Variants in EIF4G3 observed in about 807,000 individuals in gnomAD.
The protein encoded by EIF4G3 is eukaryotic translation initiation factor 4 gamma 3.
EIF4G3 carries 34 observed loss-of-function variants against 186.4 expected under a neutral mutation model. That is an observed-to-expected ratio of 0.18 (90% CI 0.14 to 0.24). The LOEUF is 0.24. Among genes scored for constraint, EIF4G3 ranks in the 10% least tolerant of loss-of-function variants. EIF4G3 has a pLI of 1.00. For synonymous variants in EIF4G3, 673 were observed against 679.5 expected, an observed-to-expected ratio of 0.99 and a Z score of 0.15; for missense variants, 1,536 against 1,948.5, an observed-to-expected ratio of 0.79 and a Z score of 3.99.
chr1:20,915,012 C>T (rs940437401), intron 14 of EIF4G3, among the ~76,000 whole-genome samples: 1 of 152,134 alleles, frequency 6.6e-6, no homozygotes, highest in African/African-American at 2.4e-5. Context: ...CCAGTTATGT[C>T]GATTCCTTAT....
intron 30 of EIF4G3, among the ~76,000 whole-genome samples, chr1:20,830,481 T>C (rs908147494): frequency 1.3e-5 from 2 of 152,206 alleles, no homozygotes; most frequent in Admixed American, 6.5e-5. Flanking sequence ...ATTATGTGCA[T>C]ACTTTGGGTT....
At chr1:20,969,915 G>A (rs2075472191) in intron 11 of EIF4G3, among the ~76,000 whole-genome samples, 1 of 151,920 alleles carries the variant, frequency 6.6e-6, no homozygotes, top group African/African-American at 2.4e-5. Context: ...TAACATACAA[G>A]TTTCATAAAA....
At chr1:20,844,012 T>C (rs1391903225) in intron 29 of EIF4G3, among the ~76,000 whole-genome samples, 1 of 152,370 alleles carries the variant, frequency 6.6e-6, no homozygotes, top group East Asian at 1.9e-4. Flanking sequence ...CTGTATAATA[T>C]TTCATGGTGT....
In EIF4G3 at chr1:20,944,483, C is replaced by G. The variant is rs541945763; in HGVS notation, c.824-2153G>C. On this transcript the variant is annotated intron_variant, in intron 13 of 36. Transcript: ENST00000602326. ...CAAGCTGTGATCATGCCACTGCACT[C>G]CAACCTGGGCAATAGAGCAAGACGC... Among the ~76,000 whole-genome samples the G allele has an allele frequency of 1.2e-3, 181 of 149,064 alleles. 1 individual carries two copies. The highest frequency in any genetic ancestry group is 4.3e-3 in the African/African-American group (172 of 40,428).
chr1:21,111,208 T>C (rs1458476705), intron 2 of EIF4G3: 1 of 404,348 alleles, frequency 2.5e-6, no homozygotes, highest in Non-Finnish European at 5.1e-6. Context: ...TCTGTTGCTT[T>C]TAGAATGTGT....
chr1:21,053,226 G>A (rs1274718360), intron 3 of EIF4G3, among the ~76,000 whole-genome samples: 33 of 150,056 alleles, frequency 2.2e-4, no homozygotes, highest in Admixed American at 7.9e-4. Flanking sequence ...GTCTCTGCCC[G>A]GCCGCCCCGT....
At chr1:21,032,175 G>A (rs2092802397) in intron 4 of EIF4G3, among the ~76,000 whole-genome samples, 1 of 152,102 alleles carries the variant, frequency 6.6e-6, no homozygotes, top group Non-Finnish European at 1.5e-5. Context: ...CATTAACGCT[G>A]GAAATTATAG....
At chr1:20,953,326 A>T (rs191177326) in intron 12 of EIF4G3, among the ~76,000 whole-genome samples, 149 of 152,346 alleles carry the variant, frequency 9.8e-4, no homozygotes, top group Non-Finnish European at 1.7e-3. Flanking sequence ...GAAAAAAAAT[A>T]AAGTGTTTCT....
At chr1:20,964,431 T>C (rs2154564940) in intron 12 of EIF4G3, among the ~76,000 whole-genome samples, 1 of 152,304 alleles carries the variant, frequency 6.6e-6, no homozygotes, top group East Asian at 1.9e-4. Context: ...CATATGCATA[T>C]TTCCTAAATA....
At position 21,176,804 on chromosome 1, in the gene EIF4G3, G is replaced by A. The variant is rs1468908717; in HGVS notation, c.-538C>T. The stretch of plus-strand genomic sequence containing the variant: ...AGGAAGCGGCGCCCTTCTCGGTAGC[G>A]GGGCTCAGGCGATGCCGGTGGATTT... On this transcript the variant is annotated 5_prime_UTR_variant, in exon 1 of 37. Coordinates refer to ENST00000602326, the MANE Select transcript of EIF4G3 (RefSeq NM_001391906.1). 4.3e-6 allele frequency: 3 copies of A among 700,798 alleles called. No homozygotes were observed. In the East Asian group the frequency reaches 8.1e-5, roughly 19 times the overall value. The allele number at this position is 700,798 out of a possible 1,614,324, so 43.4% of individuals were successfully genotyped here. A position where few individuals can be genotyped will look rare whatever the true frequency, so the allele number is the denominator to read the frequency against.
chr1:20,975,370 T>C (rs1039574680), intron 10 of EIF4G3, among the ~76,000 whole-genome samples: 2 of 141,506 alleles, frequency 1.4e-5, no homozygotes, highest in Non-Finnish European at 3.1e-5. Flanking sequence ...GGTGATCTCT[T>C]AAAAAAAACA....
At chr1:20,894,074 T>A (rs2087054225) in intron 17 of EIF4G3, among the ~76,000 whole-genome samples, 1 of 152,122 alleles carries the variant, frequency 6.6e-6, no homozygotes, top group African/African-American at 2.4e-5. Context: ...TTATGGTTAG[T>A]AAAGAATGTA....
chr1:21,163,768 G>GTTTGT (rs528919587), intron 2 of EIF4G3, among the ~76,000 whole-genome samples: 2 of 151,962 alleles, frequency 1.3e-5, no homozygotes, highest in Non-Finnish European at 1.5e-5. Flanking sequence ...TTTGTTTTTT[G>GTTTGT]TTTGTTTTGT....
At chr1:21,169,991 A>G (rs527768855) in intron 2 of EIF4G3, among the ~76,000 whole-genome samples, 41 of 152,090 alleles carry the variant, frequency 2.7e-4, no homozygotes, top group African/African-American at 9.9e-4. Flanking sequence ...CTTGACCAAC[A>G]TGGTGAAACC....
intron 14 of EIF4G3, among the ~76,000 whole-genome samples, chr1:20,913,800 ATTTTTTTTTTT>A (rs68098768): frequency 1.3e-4 from 10 of 75,660 alleles, no homozygotes; most frequent in African/African-American, 2.6e-4. Context: ...AATTATTAGA[ATTTTTTTTTTT>A]TTTTTTTTTT....
At chr1:20,941,101 A>T in intron 14 of EIF4G3, 2 of 934,822 alleles carry the variant, frequency 2.1e-6, no homozygotes, top group Non-Finnish European at 3.0e-6. Context: ...ACTGGGTTTT[A>T]AAATTCTAGG....
chr1:21,135,782 C>T (rs2097229342), intron 2 of EIF4G3, among the ~76,000 whole-genome samples: 1 of 152,162 alleles, frequency 6.6e-6, no homozygotes, highest in African/African-American at 2.4e-5. Flanking sequence ...GGGTCCCAGA[C>T]ATATAATCAA....
At chr1:20,880,350 A>C (rs2081980815) in intron 19 of EIF4G3, among the ~76,000 whole-genome samples, 1 of 152,224 alleles carries the variant, frequency 6.6e-6, no homozygotes, top group South Asian at 2.1e-4. Context: ...ATACAATGTC[A>C]AAATGCAAAC....
intron 14 of EIF4G3, among the ~76,000 whole-genome samples, chr1:20,930,701 G>A (rs1279842017): frequency 6.6e-6 from 1 of 152,074 alleles, no homozygotes; most frequent in Non-Finnish European, 1.5e-5. Flanking sequence ...GCCTAGCCAG[G>A]CTCCACTTCT....
Sources: allele counts gnomAD v4.1 joint callset (sites outside exome capture counted in the v4.1 genomes callset), GRCh38; gene constraint gnomAD v4.1.1; transcripts MANE v1.5; gene names NCBI Gene and HGNC (gene_info 2026-07-23, HGNC 2026-07-21).